Variants in PTPN13 observed in about 807,000 individuals in gnomAD.
The protein encoded by PTPN13 is protein tyrosine phosphatase non-receptor type 13.
A neutral mutation model predicts 284.0 loss-of-function variants in PTPN13; 191 were observed. That is an observed-to-expected ratio of 0.67 (90% confidence interval 0.60 to 0.76). The LOEUF (loss-of-function observed/expected upper bound fraction) is 0.76, where lower values mean the gene tolerates loss of function less well. PTPN13 is among the 30% of genes least tolerant of loss of function. The probability of loss-of-function intolerance (pLI) is 0.00; values close to 1 mark genes in which losing one functional copy is unlikely to be tolerated. For synonymous variants in PTPN13, 986 were observed against 1,022.3 expected, an observed-to-expected ratio of 0.96 and a Z score of 0.68; for missense variants, 2,797 against 2,939.9, an observed-to-expected ratio of 0.95 and a Z score of 1.12.
intron 3 of PTPN13, among the ~76,000 whole-genome samples, chr4:86,680,313 C>T (rs894906704): frequency 1.3e-5 from 2 of 152,042 alleles, no homozygotes; most frequent in Non-Finnish European, 2.9e-5. Context: ...CCTTGACTCT[C>T]ATCTTTCCAT....
chr4:86,659,323 A>G (rs1422605479), intron 2 of PTPN13, among the ~76,000 whole-genome samples: 1 of 152,146 alleles, frequency 6.6e-6, no homozygotes, highest in East Asian at 1.9e-4. Context: ...TAACACTCAT[A>G]ACATATGCCA....
At position 86,703,410 on chromosome 4, in the gene PTPN13, A is replaced by G. The variant is rs200521003; in HGVS notation, c.1195+1609A>G. On this transcript the variant is annotated intron_variant, in intron 7 of 47. Transcript: ENST00000411767. ...TGTCAAGCATGCCCTCATGGAAACA[A>G]TTATATAAAGAAATCTTGTCCATTG... 1.3e-4 allele frequency among the ~76,000 whole-genome samples: 20 copies of G among 151,990 alleles called. 1 individual carries two copies. The East Asian group carries it at 3.9e-3, about 29-fold the overall frequency.
chr4:86,768,058 G>A, intron 28 of PTPN13, 82 bp downstream of exon 28: 1 of 1,261,462 alleles, frequency 7.9e-7, no homozygotes, highest in Non-Finnish European at 1.1e-6. Context: ...TTGGATTACA[G>A]TTAATGCCCT....
intron 45 of PTPN13, 125 bp from the exon 46 acceptor site, chr4:86,809,644 T>C (rs1221203131): frequency 6.1e-6 from 5 of 818,766 alleles, no homozygotes; most frequent in Non-Finnish European, 9.8e-6. Context: ...TGAGCCGAGA[T>C]TGCACCACTG....
chr4:86,773,034 G>C, intron 32 of PTPN13, 76 bp downstream of exon 32: 7 of 1,116,052 alleles, frequency 6.3e-6, no homozygotes, highest in Non-Finnish European at 8.5e-6. Context: ...TTTCCCTTTA[G>C]GGAAAAAGCT....
intron 46 of PTPN13, among the ~76,000 whole-genome samples, chr4:86,810,387 A>G (rs1302473150): frequency 6.6e-6 from 1 of 152,090 alleles, no homozygotes; most frequent in Admixed American, 6.6e-5. Context: ...TGTATTATCT[A>G]TGGGTAAAAA....
rs561544820 is a variant in PTPN13 at position 86,791,070 on chromosome 4, G to A, written c.6345+5134G>A. Among the ~76,000 whole-genome samples the A allele has an allele frequency of 1.4e-4, 21 of 152,262 alleles. No homozygotes were observed. The South Asian group carries it at 3.9e-3, about 29-fold the overall frequency. ...CTCACACGGGAAGCACAAGGTGTCA[G>A]GGGATTTCCCTTTCCTAGCCAAGCA... On this transcript the variant is annotated intron_variant, in intron 40 of 47. Transcript: ENST00000411767.
At chr4:86,649,613 T>C (rs754802846) in intron 2 of PTPN13, among the ~76,000 whole-genome samples, 4 of 152,206 alleles carry the variant, frequency 2.6e-5, no homozygotes, top group African/African-American at 7.2e-5. Context: ...AATACCATGC[T>C]GTTTTGGTAT....
rs56694637 is a variant in PTPN13 at position 86,680,347 on chromosome 4, CTCTATCTATCTATCTA to C, written c.295-6323_295-6308del. 2.1e-3 allele frequency among the ~76,000 whole-genome samples: 299 copies of C among 142,650 alleles called. 1 individual carries two copies. Among genetic ancestry groups the C allele is most frequent in the Middle Eastern group, 0.01 (3 of 288 alleles). 93.6% of individuals were successfully genotyped at this position (142,650 alleles called of 152,430 possible). ...ATGTCACATTTTCCTTTCTATCTAT[CTCTATCTATCTATCTA>C]TCTATCTATCTATCTATCTATCTAT... On this transcript the variant is annotated intron_variant, in intron 3 of 47. Transcript: ENST00000411767.
chr4:86,721,131 T>C (rs1444527367), intron 9 of PTPN13, among the ~76,000 whole-genome samples: 1 of 152,016 alleles, frequency 6.6e-6, no homozygotes, highest in Non-Finnish European at 1.5e-5. Context: ...TGGTTAGATA[T>C]CATATTTGGA....
intron 9 of PTPN13, 52 bp downstream of exon 9, chr4:86,717,169 T>C (rs1733125698): frequency 5.0e-5 from 67 of 1,332,158 alleles, no homozygotes; most frequent in Non-Finnish European, 6.8e-5. Flanking sequence ...AGTGTTTGTT[T>C]TTTATTTGAA....
chr4:86,634,557 G>A (rs1175901707), intron 1 of PTPN13, among the ~76,000 whole-genome samples: 2 of 152,064 alleles, frequency 1.3e-5, no homozygotes, highest in African/African-American at 4.8e-5. Flanking sequence ...ATCAAAGCAT[G>A]TTCACAAGCA....
chr4:86,803,012 G>T (rs1240888522), intron 42 of PTPN13, among the ~76,000 whole-genome samples: 2 of 151,512 alleles, frequency 1.3e-5, no homozygotes, highest in Admixed American at 1.3e-4. Context: ...GGTTGACATT[G>T]CATTGAGCTG....
rs754545062 is a variant in PTPN13 at position 86,750,471 on chromosome 4, G to A, written c.2652G>A (p.Glu884=). Residue 884 remains glutamate (E), a splice_region_variant and synonymous_variant, in exon 18 of 48, where the codon GAG becomes GAA. Coordinates refer to ENST00000411767, the MANE Select transcript of PTPN13 (RefSeq NM_080683.3). ...RQSNQDAQDI[E]RASFRSLNLQ... is the part of the protein sequence containing the mutation. ...TAAAGCAATCCTATTTCCTTGTAGAGAGAGCTTCGTTTAGGAGCCTGAATC... is the reference window on the plus strand; with the variant it reads ...TAAAGCAATCCTATTTCCTTGTAGAAAGAGCTTCGTTTAGGAGCCTGAATC... The A allele has an allele frequency of 3.7e-6, 6 of 1,610,454 alleles. No homozygotes were observed. The South Asian group carries it at 5.5e-5, about 15-fold the overall frequency.
At chr4:86,752,894 A>G (rs1164215356) in intron 19 of PTPN13, 115 bp from the exon 20 acceptor site, 1 of 622,020 alleles carries the variant, frequency 1.6e-6, no homozygotes, top group Non-Finnish European at 2.6e-6. Context: ...GTGTAAATAC[A>G]AAATGTTGCT....
intron 47 of PTPN13, among the ~76,000 whole-genome samples, chr4:86,812,215 CA>C (rs1277024365): frequency 1.4e-5 from 2 of 144,602 alleles, no homozygotes; most frequent in Non-Finnish European, 3.0e-5. Context: ...GAGGCTGAGG[CA>C]GGAGAATGGC....
At chr4:86,715,234 A>G (rs199750837) in intron 7 of PTPN13, among the ~76,000 whole-genome samples, 1 of 151,716 alleles carries the variant, frequency 6.6e-6, no homozygotes, top group Non-Finnish European at 1.5e-5. Flanking sequence ...GTGTGTATAT[A>G]CGTGTGTGTG....
intron 17 of PTPN13, among the ~76,000 whole-genome samples, chr4:86,747,268 T>C (rs1736873759): frequency 6.6e-6 from 1 of 152,192 alleles, no homozygotes; most frequent in Non-Finnish European, 1.5e-5. Context: ...CCCTAAAACT[T>C]TGGGCAAGCT....
chr4:86,749,446 G>A (rs1172009944), intron 17 of PTPN13, among the ~76,000 whole-genome samples: 5 of 152,168 alleles, frequency 3.3e-5, no homozygotes. Context: ...ACATAGAATT[G>A]CTGCTTTCCA....
Sources: gnomAD v4.1 joint callset for allele counts (sites outside exome capture counted in the v4.1 genomes callset) on GRCh38, gnomAD v4.1.1 for gene constraint, MANE v1.5 for transcripts, NCBI Gene and HGNC (gene_info 2026-07-23, HGNC 2026-07-21) for gene names.